GCA: variants seen among roughly 807,000 people sequenced by gnomAD.
The protein encoded by GCA is grancalcin.
GCA carries 30 observed loss-of-function variants against 32.6 expected under a neutral mutation model. The observed-to-expected ratio is 0.92, with a 90% CI of 0.69 to 1.25. GCA has a LOEUF of 1.25. Among genes scored for constraint, GCA ranks in the 50% most tolerant of loss-of-function variants. The probability of loss-of-function intolerance (pLI) is 0.00; values close to 1 mark genes in which losing one functional copy is unlikely to be tolerated. For synonymous variants in GCA, 102 were observed against 84.6 expected, an observed-to-expected ratio of 1.21 and a Z score of -1.13; for missense variants, 291 against 266.8, an observed-to-expected ratio of 1.09 and a Z score of -0.63.
chr2:162,348,939 T>C (rs1339173652), intron 2 of GCA, among the ~76,000 whole-genome samples: 1 of 152,016 alleles, frequency 6.6e-6, no homozygotes, highest in Non-Finnish European at 1.5e-5. Flanking sequence ...TCCAAATTAA[T>C]TGATAAATAA....
chr2:162,328,284 C>T (rs557175723), intron 1 of GCA, among the ~76,000 whole-genome samples: 4 of 150,664 alleles, frequency 2.7e-5, no homozygotes, highest in Non-Finnish European at 4.4e-5. Flanking sequence ...CACAGCTACT[C>T]GGGAGGCTGA....
In GCA at chr2:162,362,430, T is replaced by C. The variant is rs1685612571; in HGVS notation, c.*2187T>C. The C allele has an allele frequency of 1.0e-6, 1 of 968,916 alleles. No homozygotes were observed. The highest frequency in any genetic ancestry group is 5.3e-4 in the Middle Eastern group (1 of 1,892). The allele number at this position is 968,916 out of a possible 1,614,324, so 60.0% of individuals were successfully genotyped here. A position where few individuals can be genotyped will look rare whatever the true frequency, so the allele number is the denominator to read the frequency against. Reference sequence around the variant, plus strand: ...GTTCACTTTTTCGATGCTTTAAAAATAACTGATATTTTTATGATGAACATG... The same window carrying C: ...GTTCACTTTTTCGATGCTTTAAAAACAACTGATATTTTTATGATGAACATG... On this transcript the variant is annotated 3_prime_UTR_variant, in exon 8 of 8. Coordinates refer to ENST00000437150, the MANE Select transcript of GCA (RefSeq NM_012198.5).
chr2:162,328,248 C>T (rs754944304), intron 1 of GCA, among the ~76,000 whole-genome samples: 32 of 149,078 alleles, frequency 2.1e-4, no homozygotes, highest in Middle Eastern at 7.0e-3. Context: ...AAAAATTAGC[C>T]GAGAATGGTG....
At chr2:162,331,656 T>G (rs1684088554) in intron 1 of GCA, among the ~76,000 whole-genome samples, 1 of 152,206 alleles carries the variant, frequency 6.6e-6, no homozygotes, top group Non-Finnish European at 1.5e-5. Context: ...ATGCTGAACC[T>G]ATCTGTACCC....
downstream of GCA, among the ~76,000 whole-genome samples, chr2:162,367,028 A>C (rs188604275): frequency 7.9e-5 from 12 of 152,082 alleles, no homozygotes; most frequent in African/African-American, 2.6e-4. Flanking sequence ...ATTTACTGTA[A>C]GAAATAACGT....
At chr2:162,338,185 T>A (rs922944330) in intron 1 of GCA, among the ~76,000 whole-genome samples, 2 of 152,220 alleles carry the variant, frequency 1.3e-5, no homozygotes, top group Non-Finnish European at 2.9e-5. Context: ...TTGTAATTTT[T>A]AAATTTTTAT....
chr2:162,365,422 A>G (rs531543077), downstream of GCA, among the ~76,000 whole-genome samples: 50 of 151,796 alleles, frequency 3.3e-4, no homozygotes, highest in African/African-American at 1.2e-3. Flanking sequence ...CAATCTTTGA[A>G]GAAAATATTT....
downstream of GCA, among the ~76,000 whole-genome samples, chr2:162,366,778 T>G (rs1685765306): frequency 1.3e-5 from 2 of 151,938 alleles, no homozygotes; most frequent in Admixed American, 6.6e-5. Context: ...TTATGAATGG[T>G]GGACAAAAGC....
chr2:162,344,917 C>G (rs1045763287), intron 1 of GCA, among the ~76,000 whole-genome samples: 1 of 152,138 alleles, frequency 6.6e-6, no homozygotes, highest in Non-Finnish European at 1.5e-5. Flanking sequence ...GATCTACACG[C>G]TGTGTTAACA....
chr2:162,371,326 T>A, exon 5 of GCA: 1 of 1,288,404 alleles, frequency 7.8e-7, no homozygotes, highest in Non-Finnish European at 1.0e-6. Context: ...TGAACGTAAT[T>A]AACTTTGAAC....
At chr2:162,339,395 T>G (rs1479102825), upstream of GCA, among the ~76,000 whole-genome samples, 1 of 152,156 alleles carries the variant, frequency 6.6e-6, no homozygotes, top group Non-Finnish European at 1.5e-5. Context: ...GAAATCCAAT[T>G]AAGGAATACA....
upstream of GCA, among the ~76,000 whole-genome samples, chr2:162,341,498 G>A (rs951754259): frequency 6.6e-5 from 10 of 151,674 alleles, no homozygotes; most frequent in African/African-American, 2.4e-4. Flanking sequence ...CTTATGATAA[G>A]ACCAATGCCA....
downstream of GCA, among the ~76,000 whole-genome samples, chr2:162,373,188 C>A (rs185130568): frequency 2.2e-4 from 33 of 152,198 alleles, no homozygotes; most frequent in African/African-American, 7.7e-4. Flanking sequence ...TAAATTTAAG[C>A]AGGTTGATTC....
chr2:162,337,051 G>A (rs941015672), intron 1 of GCA, among the ~76,000 whole-genome samples: 5 of 152,174 alleles, frequency 3.3e-5, no homozygotes, highest in African/African-American at 1.2e-4. Context: ...TCTTCAGAGT[G>A]CTTGACATTT....
At chr2:162,341,823 T>C (rs1464683823), upstream of GCA, among the ~76,000 whole-genome samples, 1 of 152,212 alleles carries the variant, frequency 6.6e-6, no homozygotes, top group East Asian at 1.9e-4. Context: ...CTAGTCACTA[T>C]GCAACTGCAT....
At chr2:162,331,632 G>T (rs190722434) in intron 1 of GCA, among the ~76,000 whole-genome samples, 235 of 152,304 alleles carry the variant, frequency 1.5e-3, no homozygotes, top group African/African-American at 5.1e-3. Flanking sequence ...AGCAGAGGCT[G>T]GGGACCTCAC....
intron 3 of GCA, among the ~76,000 whole-genome samples, chr2:162,354,077 T>A (rs1414793311): frequency 1.3e-5 from 2 of 152,344 alleles, no homozygotes; most frequent in East Asian, 3.9e-4. Flanking sequence ...TTTCTTCCTA[T>A]ATAACCTTTG....
chr2:162,373,170 A>G (rs1291029740), downstream of GCA, among the ~76,000 whole-genome samples: 3 of 152,140 alleles, frequency 2.0e-5, no homozygotes, highest in Non-Finnish European at 4.4e-5. Flanking sequence ...TCAAAGCTCT[A>G]CCACATGTAA....
At chr2:162,369,882 G>A (rs1685871039) in intron 4 of GCA, among the ~76,000 whole-genome samples, 1 of 152,104 alleles carries the variant, frequency 6.6e-6, no homozygotes, top group South Asian at 2.1e-4. Flanking sequence ...TAGCCCCTAA[G>A]TTTGTATCTG....
Sources: allele counts gnomAD v4.1 joint callset (sites outside exome capture counted in the v4.1 genomes callset), GRCh38; gene constraint gnomAD v4.1.1; transcripts MANE v1.5; gene names NCBI Gene and HGNC (gene_info 2026-07-23, HGNC 2026-07-21).